STAG1: variants seen among roughly 807,000 people sequenced by gnomAD.
The protein encoded by STAG1 is cohesin subunit SA-1.
A neutral mutation model predicts 170.9 loss-of-function variants in STAG1; 26 were observed. The ratio of observed to expected loss-of-function variants is 0.15; its 90% CI spans 0.11 to 0.21. The LOEUF is 0.21. Ranked by LOEUF, STAG1 falls within the 10% of genes least tolerant of loss-of-function variation. The pLI is 1.00. For synonymous variants in STAG1, 514 were observed against 497.7 expected, an observed-to-expected ratio of 1.03 and a Z score of -0.44; for missense variants, 964 against 1,509.5, an observed-to-expected ratio of 0.64 and a Z score of 5.99.
chr3:136,548,511 A>T (rs1275420594), intron 5 of STAG1, among the ~76,000 whole-genome samples: 1 of 152,102 alleles, frequency 6.6e-6, no homozygotes, highest in Non-Finnish European at 1.5e-5. Context: ...TTGGGTATTA[A>T]GGGTTCTCTG....
chr3:136,677,274 G>T (rs758111778), intron 1 of STAG1, among the ~76,000 whole-genome samples: 1 of 151,932 alleles, frequency 6.6e-6, no homozygotes, highest in African/African-American at 2.4e-5. Context: ...CACCACAAAC[G>T]TTGACTATTT....
chr3:136,588,385 G>A (rs572900741), intron 4 of STAG1, among the ~76,000 whole-genome samples: 6 of 152,174 alleles, frequency 3.9e-5, no homozygotes, highest in Admixed American at 6.5e-5. Context: ...TGCTCAGGCT[G>A]TAGTGCAATG....
intron 7 of STAG1, among the ~76,000 whole-genome samples, chr3:136,513,622 T>G (rs1934189115): frequency 6.6e-6 from 1 of 151,956 alleles, no homozygotes. Flanking sequence ...CAACAGCAAC[T>G]TTGGAAACGA....
chr3:136,471,873 T>C (rs925878036), intron 12 of STAG1, among the ~76,000 whole-genome samples: 2 of 152,176 alleles, frequency 1.3e-5, no homozygotes, highest in African/African-American at 4.8e-5. Context: ...GGTCCTGCTA[T>C]ATCACCTATG....
At chr3:136,555,305 A>T (rs572682278) in intron 5 of STAG1, among the ~76,000 whole-genome samples, 1 of 151,502 alleles carries the variant, frequency 6.6e-6, no homozygotes, top group South Asian at 2.1e-4. Context: ...TGAAGTCCTG[A>T]GTTCAAGACC....
At chr3:136,647,803 C>T (rs771498308) in intron 1 of STAG1, among the ~76,000 whole-genome samples, 1 of 152,138 alleles carries the variant, frequency 6.6e-6, no homozygotes, top group Non-Finnish European at 1.5e-5. Context: ...AGTTTATATT[C>T]ATTGCTTCTA....
chr3:136,435,551 C>T (rs1033574113), intron 15 of STAG1, among the ~76,000 whole-genome samples: 1 of 152,114 alleles, frequency 6.6e-6, no homozygotes, highest in African/African-American at 2.4e-5. Flanking sequence ...TGACTAGTAC[C>T]ATTAAAAAAA....
At chr3:136,447,595 C>CGT (rs1559806771) in intron 14 of STAG1, among the ~76,000 whole-genome samples, 2 of 121,414 alleles carry the variant, frequency 1.6e-5, no homozygotes, top group South Asian at 2.7e-4. Context: ...AAAAGCATCA[C>CGT]ATTTTTTTTT....
intron 4 of STAG1, among the ~76,000 whole-genome samples, chr3:136,577,094 C>T (rs1937491368): frequency 6.6e-6 from 1 of 152,156 alleles, no homozygotes; most frequent in African/African-American, 2.4e-5. Context: ...GCCTTGAAAG[C>T]TTACATGGCT....
intron 26 of STAG1, among the ~76,000 whole-genome samples, chr3:136,359,674 C>T (rs1022241456): frequency 4.6e-5 from 7 of 152,142 alleles, no homozygotes; most frequent in South Asian, 2.1e-4. Flanking sequence ...AGATAATAGG[C>T]GTGTACCACC....
chr3:136,344,234 C>G (rs999043075), intron 29 of STAG1, among the ~76,000 whole-genome samples: 1 of 152,166 alleles, frequency 6.6e-6, no homozygotes, highest in African/African-American at 2.4e-5. Flanking sequence ...GTTGTAGGGA[C>G]TAAATGAGGT....
chr3:136,393,159 A>G (rs2087056815), intron 22 of STAG1, among the ~76,000 whole-genome samples: 1 of 152,196 alleles, frequency 6.6e-6, no homozygotes, highest in Non-Finnish European at 1.5e-5. Flanking sequence ...GCTTGCTTCT[A>G]AATGACCAAC....
chr3:136,348,826 G>T (rs752384488), intron 29 of STAG1: 2 of 267,446 alleles, frequency 7.5e-6, no homozygotes, highest in Non-Finnish European at 1.4e-5. Context: ...ATATTAGGAA[G>T]AATTTTAATA....
Position 136,604,007 on chromosome 3 carries a change from CAT to C in STAG1, c.297+300_297+301del, listed in dbSNP as rs370949063. ...CTTCTTTCAAATACTCTGAAAGACA[CAT>C]GTGTTACTTACACTAAATCAGATTC... On this transcript the variant is annotated intron_variant, in intron 4 of 33. Transcript: ENST00000383202. 9.4e-4 allele frequency among the ~76,000 whole-genome samples: 143 copies of C among 152,170 alleles called. 2 individuals are homozygous for C. The East Asian group carries it at 0.021, about 23-fold the overall frequency.
intron 5 of STAG1, among the ~76,000 whole-genome samples, chr3:136,549,582 T>G (rs1936301922): frequency 6.6e-6 from 1 of 152,154 alleles, no homozygotes; most frequent in East Asian, 1.9e-4. Flanking sequence ...ATTACAGGCA[T>G]GAGCCACCAT....
At position 136,394,231 on chromosome 3, in the gene STAG1, T is replaced by C. The variant is rs2087089259; in HGVS notation, c.2277+4518A>G. 2.6e-5 allele frequency among the ~76,000 whole-genome samples: 4 copies of C among 152,346 alleles called. No individual in the cohort carries two copies. The South Asian group carries it at 8.3e-4, about 32-fold the overall frequency. ...GAAACATGAATTTTTAAAGTTTGCATGTGTCTTAAAAATTCATGCTTTTGA... is the reference window on the plus strand; with the variant it reads ...GAAACATGAATTTTTAAAGTTTGCACGTGTCTTAAAAATTCATGCTTTTGA... On this transcript the variant is annotated intron_variant, in intron 22 of 33. Coordinates refer to ENST00000383202, the MANE Select transcript of STAG1 (RefSeq NM_005862.3).
chr3:136,641,829 G>A (rs1269636357), intron 1 of STAG1, among the ~76,000 whole-genome samples: 1 of 152,132 alleles, frequency 6.6e-6, no homozygotes, highest in East Asian at 1.9e-4. Context: ...GTAAGATATT[G>A]GCAGTTGGGG....
chr3:136,589,628 CA>C (rs71626007), intron 4 of STAG1, among the ~76,000 whole-genome samples: 277 of 46,214 alleles, frequency 6.0e-3, no homozygotes, highest in Admixed American at 0.024. Context: ...CAAAGGGAGC[CA>C]AAAAAAAAAA....
intron 3 of STAG1, among the ~76,000 whole-genome samples, chr3:136,621,455 C>T (rs144613151): frequency 6.7e-4 from 102 of 152,268 alleles, no homozygotes; most frequent in African/African-American, 2.4e-3. Context: ...TCAGAAAAAT[C>T]ACATGGTAGT....
Sources: gnomAD v4.1 joint callset for allele counts (sites outside exome capture counted in the v4.1 genomes callset) on GRCh38, gnomAD v4.1.1 for gene constraint, MANE v1.5 for transcripts, NCBI Gene and HGNC (gene_info 2026-07-23, HGNC 2026-07-21) for gene names.